PLCXD3: variants seen among roughly 807,000 people sequenced by gnomAD.
The protein encoded by PLCXD3 is phosphatidylinositol specific phospholipase C X domain containing 3, also known as PI-PLC X domain-containing protein 3.
Under a neutral mutation model 25.5 loss-of-function variants are expected in PLCXD3, and 19 were observed. The ratio of observed to expected loss-of-function variants is 0.75; its 90% CI spans 0.52 to 1.09. The LOEUF (loss-of-function observed/expected upper bound fraction) is 1.09, where lower values mean the gene tolerates loss of function less well. Ranked by LOEUF, PLCXD3 falls within the 50% of genes least tolerant of loss-of-function variation. PLCXD3 has a pLI of 0.00. For synonymous variants in PLCXD3, 174 were observed against 137.6 expected, an observed-to-expected ratio of 1.26 and a Z score of -1.85; for missense variants, 411 against 388.1, an observed-to-expected ratio of 1.06 and a Z score of -0.50.
intron 1 of PLCXD3, among the ~76,000 whole-genome samples, chr5:41,440,109 C>G (rs1253344737): frequency 1.3e-5 from 2 of 151,642 alleles, no homozygotes; most frequent in African/African-American, 4.9e-5. Context: ...TGAATAAGTC[C>G]CTAGATTCAG....
rs1199153869 is a variant in PLCXD3 at position 41,315,405 on chromosome 5, T to C, written c.813-1635A>G. Among the ~76,000 whole-genome samples the C allele has an allele frequency of 3.3e-5, 5 of 150,196 alleles. No individual in the cohort carries two copies. The South Asian group carries it at 8.4e-4, about 25-fold the overall frequency. ...AAAAAGGTAAGGTAGTTTTGAAAGA[T>C]GTTAAAGAGAAAAAAAAAAACCCAG... On this transcript the variant is annotated intron_variant, in intron 2 of 2. Coordinates refer to ENST00000377801, the MANE Select transcript of PLCXD3 (RefSeq NM_001005473.3).
At chr5:41,341,440 G>A (rs1009193616) in intron 2 of PLCXD3, among the ~76,000 whole-genome samples, 7 of 152,076 alleles carry the variant, frequency 4.6e-5, no homozygotes, top group African/African-American at 1.7e-4. Context: ...ATATAATCAC[G>A]ACTATGAATA....
At chr5:41,468,388 G>C (rs1748074126) in intron 1 of PLCXD3, among the ~76,000 whole-genome samples, 1 of 152,000 alleles carries the variant, frequency 6.6e-6, no homozygotes, top group Non-Finnish European at 1.5e-5. Context: ...CAAATTTAAG[G>C]ACATTTCTCC....
intron 2 of PLCXD3, among the ~76,000 whole-genome samples, chr5:41,350,982 G>A (rs1390267346): frequency 6.6e-6 from 1 of 152,080 alleles, no homozygotes; most frequent in Non-Finnish European, 1.5e-5. Flanking sequence ...GTTGACAGAA[G>A]TCACCAAACC....
chr5:41,377,773 C>T (rs949283171), intron 2 of PLCXD3, among the ~76,000 whole-genome samples: 39 of 152,038 alleles, frequency 2.6e-4, no homozygotes, highest in African/African-American at 7.2e-5. Flanking sequence ...TGCATGTGCT[C>T]AGAGTTTTGT....
Position 41,403,408 on chromosome 5 carries a change from T to A in PLCXD3, c.104-20874A>T, listed in dbSNP as rs12518456. ...CAGATTGACTTATTTGTTGTTTTTT[T>A]TTTTTTTTATTATACTCTAAGTTTT... On this transcript the variant is annotated intron_variant, in intron 1 of 2. Coordinates refer to ENST00000377801, the MANE Select transcript of PLCXD3 (RefSeq NM_001005473.3). 6.2e-3 allele frequency among the ~76,000 whole-genome samples: 163 copies of A among 26,242 alleles called. 23 individuals are homozygous for A. Among genetic ancestry groups the A allele is most frequent in the Non-Finnish European group, 0.013 (133 of 10,616 alleles). 17.2% of individuals were successfully genotyped at this position (26,242 alleles called of 152,430 possible). A position where few individuals can be genotyped will look rare whatever the true frequency, so the allele number is the denominator to read the frequency against.
intron 1 of PLCXD3, among the ~76,000 whole-genome samples, chr5:41,463,513 G>T (rs577053936): frequency 6.6e-6 from 1 of 151,900 alleles, no homozygotes; most frequent in South Asian, 2.1e-4. Context: ...ATTTTGGGGG[G>T]ACACAAACGT....
At chr5:41,340,381 A>C (rs920753459) in intron 2 of PLCXD3, among the ~76,000 whole-genome samples, 1 of 152,212 alleles carries the variant, frequency 6.6e-6, no homozygotes, top group Non-Finnish European at 1.5e-5. Context: ...CAATTAACTA[A>C]AAGTTGTAAA....
At chr5:41,376,996 T>C (rs952380503) in intron 2 of PLCXD3, among the ~76,000 whole-genome samples, 1 of 152,128 alleles carries the variant, frequency 6.6e-6, no homozygotes, top group African/African-American at 2.4e-5. Context: ...AGCAGGGAGA[T>C]AGCATGATGT....
rs1208912945 is a variant in PLCXD3 at position 41,309,602 on chromosome 5, G to A, written c.*4015C>T. On this transcript the variant is annotated 3_prime_UTR_variant, in exon 3 of 3. Coordinates refer to ENST00000377801, the MANE Select transcript of PLCXD3 (RefSeq NM_001005473.3). ...AAACTCATGGAAACATGCATTTCCT[G>A]AGACTTCCAACTTTCCAGTCTGGAA... The A allele has an allele frequency of 6.6e-6, 1 of 152,132 alleles. No homozygotes were observed. The allele number at this position is 152,132 out of a possible 1,614,324, so 9.4% of individuals were successfully genotyped here.
Position 41,382,616 on chromosome 5 carries a change from C to A in PLCXD3, c.104-82G>T, listed in dbSNP as rs776550251. ...TTCTTTCCCTCTTGCAATATCCATACCTCTCCCTCAAATGAGCCACAGAAA... is the reference window on the plus strand; with the variant it reads ...TTCTTTCCCTCTTGCAATATCCATAACTCTCCCTCAAATGAGCCACAGAAA... On this transcript the variant is annotated intron_variant, in intron 1 of 2. Coordinates refer to ENST00000377801, the MANE Select transcript of PLCXD3 (RefSeq NM_001005473.3). 1.5e-4 allele frequency: 157 copies of A among 1,080,352 alleles called. 1 individual carries two copies. Among genetic ancestry groups the A allele is most frequent in the Non-Finnish European group, 1.9e-4 (148 of 762,578 alleles). 66.9% of individuals were successfully genotyped at this position (1,080,352 alleles called of 1,614,324 possible).
At chr5:41,496,545 G>C (rs1209590159) in intron 1 of PLCXD3, among the ~76,000 whole-genome samples, 1 of 138,674 alleles carries the variant, frequency 7.2e-6, no homozygotes, top group South Asian at 2.3e-4. Context: ...GAAGGAAGTA[G>C]AATAATAACA....
At position 41,313,082 on chromosome 5, in the gene PLCXD3, G is replaced by T. The variant is rs1011735244; in HGVS notation, c.*535C>A. 1.3e-5 allele frequency: 2 copies of T among 152,802 alleles called. No individual in the cohort carries two copies. The highest frequency in any genetic ancestry group is 4.8e-5 in the African/African-American group (2 of 41,424). 9.5% of individuals were successfully genotyped at this position (152,802 alleles called of 1,614,324 possible). A position where few individuals can be genotyped will look rare whatever the true frequency, so the allele number is the denominator to read the frequency against. On this transcript the variant is annotated 3_prime_UTR_variant, in exon 3 of 3. Coordinates refer to ENST00000377801, the MANE Select transcript of PLCXD3 (RefSeq NM_001005473.3). The stretch of plus-strand genomic sequence containing the variant: ...AACTGATTTGATGCAGATTTTCTAT[G>T]ACCAAAAATTAGCTATGATTGCCCA...
chr5:41,437,510 T>A (rs1158557988), intron 1 of PLCXD3, among the ~76,000 whole-genome samples: 1 of 152,174 alleles, frequency 6.6e-6, no homozygotes, highest in South Asian at 2.1e-4. Flanking sequence ...GCAAATAGAA[T>A]GATGAAAAGG....
At chr5:41,324,857 C>T (rs762136597) in intron 2 of PLCXD3, among the ~76,000 whole-genome samples, 5 of 152,276 alleles carry the variant, frequency 3.3e-5, no homozygotes, top group Non-Finnish European at 5.9e-5. Context: ...AGGTGAGAGG[C>T]GGAGTAGATA....
rs542925546 is a variant in PLCXD3, at chr5:41,425,298, C to CT, written c.104-42765dup. Among the ~76,000 whole-genome samples the CT allele has an allele frequency of 2.1e-3, 317 of 148,660 alleles. 2 individuals carry two copies. The highest frequency in any genetic ancestry group is 4.0e-3 in the Non-Finnish European group (268 of 66,926). On this transcript the variant is annotated intron_variant, in intron 1 of 2. Transcript: ENST00000377801. ...ATATAAAAGTGAATCTGTCTCTTGT[C>CT]TTTTTTTTTTCTTTCTGGAATAGAC... is the stretch of plus-strand genomic sequence containing the variant.
chr5:41,465,375 T>TTTTTTTTTTTTTTTTTTC (rs1747993567), intron 1 of PLCXD3, among the ~76,000 whole-genome samples: 1 of 142,788 alleles, frequency 7.0e-6, no homozygotes, highest in Non-Finnish European at 1.5e-5. Context: ...TTTTTTTTTT[T>TTTTTTTTTTTTTTTTTTC]TTTTTTTTTT....
chr5:41,405,189 T>C (rs1315436873), intron 1 of PLCXD3, among the ~76,000 whole-genome samples: 3 of 152,110 alleles, frequency 2.0e-5, no homozygotes, highest in South Asian at 2.1e-4. Flanking sequence ...TGGATGAAGA[T>C]ATATAAGGGT....
chr5:41,451,130 T>C (rs139477459), intron 1 of PLCXD3, among the ~76,000 whole-genome samples: 67 of 152,174 alleles, frequency 4.4e-4, no homozygotes, highest in African/African-American at 1.6e-3. Context: ...TATTGAACAA[T>C]TTTTACTCTA....
Sources: allele counts gnomAD v4.1 joint callset (sites outside exome capture counted in the v4.1 genomes callset), GRCh38; gene constraint gnomAD v4.1.1; transcripts MANE v1.5; gene names NCBI Gene and HGNC (gene_info 2026-07-23, HGNC 2026-07-21).